ZFPM1: variants seen among roughly 807,000 people sequenced by gnomAD.
ZFPM1 encodes the protein zinc finger protein, FOG family member 1, also known as zinc finger protein ZFPM1.
A neutral mutation model predicts 46.3 loss-of-function variants in ZFPM1; 28 were observed. That is an observed-to-expected ratio of 0.60 (90% confidence interval 0.45 to 0.83). The LOEUF (loss-of-function observed/expected upper bound fraction) is 0.83. Among genes scored for constraint, ZFPM1 ranks in the 40% least tolerant of loss-of-function variants. The pLI, the probability that ZFPM1 is intolerant of heterozygous loss-of-function variation, is 0.00. For synonymous variants in ZFPM1, 957 were observed against 675.9 expected, an observed-to-expected ratio of 1.42 and a Z score of -6.45; for missense variants, 1,878 against 1,432.4, an observed-to-expected ratio of 1.31 and a Z score of -5.02.
chr16:88,488,088 A>AG (rs1165171094), intron 2 of ZFPM1, among the ~76,000 whole-genome samples: 1 of 152,112 alleles, frequency 6.6e-6, no homozygotes, highest in African/African-American at 2.4e-5. Context: ...CTGGGGGGAG[A>AG]GAGCACGTGT....
At chr16:88,494,657 G>A (rs375784843) in intron 3 of ZFPM1, among the ~76,000 whole-genome samples, 130 of 152,320 alleles carry the variant, frequency 8.5e-4, no homozygotes, top group African/African-American at 2.9e-3. Flanking sequence ...AGCCCTGCAC[G>A]GGCAGGAGGC....
chr16:88,457,515 C>T (rs1907610412), intron 1 of ZFPM1, among the ~76,000 whole-genome samples: 1 of 152,232 alleles, frequency 6.6e-6, no homozygotes, highest in Non-Finnish European at 1.5e-5. Flanking sequence ...GCCCAGTTGC[C>T]TCGTCCCCAG....
chr16:88,530,899 A>G (rs1432160939), intron 6 of ZFPM1: 3 of 152,300 alleles, frequency 2.0e-5, no homozygotes, highest in African/African-American at 7.2e-5. Flanking sequence ...AAGTCGTTAG[A>G]ACAGCGAGGT....
intron 1 of ZFPM1, 95 bp downstream of exon 1, chr16:88,453,773 G>A (rs1907402069): frequency 2.6e-6 from 2 of 764,774 alleles, no homozygotes; most frequent in Non-Finnish European, 1.6e-6. Flanking sequence ...GCTCTGCCCT[G>A]GGCGCCGGCG....
At position 88,533,792 on chromosome 16, in the gene ZFPM1, G is replaced by A. The variant is rs764706785; in HGVS notation, c.1834G>A (p.Ala612Thr). The A allele has an allele frequency of 1.7e-5, 22 of 1,285,520 alleles. No individual in the cohort carries two copies. The highest frequency in any genetic ancestry group is 1.9e-5 in the Non-Finnish European group (19 of 997,958). 79.6% of individuals were successfully genotyped at this position (1,285,520 alleles called of 1,614,324 possible). Residue 612 changes from alanine (A) to threonine (T), a missense_variant, in exon 10 of 10, where the codon GCG becomes ACG. Coordinates refer to ENST00000319555, the MANE Select transcript of ZFPM1 (RefSeq NM_153813.3). ...GRRAPEDAPAARRPKAPPGPA... is the reference protein window; with the variant it reads ...GRRAPEDAPATRRPKAPPGPA... ...CCGTGCGCCCGAGGACGCGCCTGCC[G>A]CGCGCAGGCCCAAGGCGCCCCCCGG...
At chr16:88,490,839 G>C (rs776764159) in intron 3 of ZFPM1, among the ~76,000 whole-genome samples, 29 of 152,178 alleles carry the variant, frequency 1.9e-4, no homozygotes, top group Non-Finnish European at 3.1e-4. Flanking sequence ...CCCAGGAAGG[G>C]GGACCGGGCA....
chr16:88,485,900 C>A (rs770871578), intron 1 of ZFPM1, 39 bp from the exon 2 acceptor site: 5 of 1,591,792 alleles, frequency 3.1e-6, no homozygotes, highest in South Asian at 1.1e-5. Context: ...GCTGTCCCCC[C>A]AGAGCTCCTC....
intron 4 of ZFPM1, among the ~76,000 whole-genome samples, chr16:88,525,316 C>A (rs891870149): frequency 6.6e-6 from 1 of 152,222 alleles, no homozygotes; most frequent in Non-Finnish European, 1.5e-5. Context: ...GTACCCCAGA[C>A]CCACAGGGGA....
rs1908302597 is a variant in ZFPM1 at position 88,469,196 on chromosome 16, C to G, written c.40+15518C>G. On this transcript the variant is annotated intron_variant, in intron 1 of 9. Coordinates refer to ENST00000319555, the MANE Select transcript of ZFPM1 (RefSeq NM_153813.3). This position sits in a 1 kb window ranked among gnomAD's most constrained non-coding sequence, Gnocchi z 4.3. The stretch of plus-strand genomic sequence containing the variant: ...GCTGCCCCCCACCGCTCCACCCTCT[C>G]CCCGCGCTGACTTCCATCCGGAACC... Among the ~76,000 whole-genome samples, 1 of 152,240 alleles carries G rather than the reference C, an allele frequency of 6.6e-6. No homozygotes were observed. Among genetic ancestry groups the G allele is most frequent in the Non-Finnish European group, 1.5e-5 (1 of 68,044 alleles).
At chr16:88,456,693 TG>T (rs1051125635) in intron 1 of ZFPM1, among the ~76,000 whole-genome samples, 1 of 152,024 alleles carries the variant, frequency 6.6e-6, no homozygotes, top group South Asian at 2.1e-4. Context: ...CGCCTGGGGC[TG>T]GGGGGCCAGC....
chr16:88,458,774 GA>G, intron 1 of ZFPM1, among the ~76,000 whole-genome samples: 1 of 152,192 alleles, frequency 6.6e-6, no homozygotes, highest in Non-Finnish European at 1.5e-5. Context: ...CACAGAGGGG[GA>G]AACTGAGGCT....
At chr16:88,526,757 C>G (rs7187787) in intron 4 of ZFPM1, 57 bp from the exon 5 acceptor site, 147,976 of 1,520,670 alleles carry the variant, frequency 0.097, 10,641 homozygotes, top group African/African-American at 0.34. Context: ...CTCACGGGAA[C>G]CCCCAGGCAG....
In ZFPM1 at chr16:88,458,706, C is replaced by T. The variant is rs1907667478; in HGVS notation, c.40+5028C>T. Among the ~76,000 whole-genome samples, 7 of 152,314 alleles carry T rather than the reference C, an allele frequency of 4.6e-5. No homozygotes were observed. In the South Asian group the frequency reaches 1.0e-3, roughly 23 times the overall value. ...GGGGCCCTGGTGGGGCTCCTGCCCA[C>T]CTGGCCACCATACCCGTGGGTATTC... On this transcript the variant is annotated intron_variant, in intron 1 of 9. Transcript: ENST00000319555.
At chr16:88,517,617 G>A (rs894304613) in intron 4 of ZFPM1, among the ~76,000 whole-genome samples, 2 of 150,672 alleles carry the variant, frequency 1.3e-5, no homozygotes. Flanking sequence ...ATGGACAGGT[G>A]GATGGATAGG....
At chr16:88,531,246 G>C (rs1472095085) in intron 6 of ZFPM1, among the ~76,000 whole-genome samples, 6 of 152,196 alleles carry the variant, frequency 3.9e-5, no homozygotes, top group Non-Finnish European at 8.8e-5. Context: ...GCAGGGCTCT[G>C]GGGCAGAGAA....
intron 4 of ZFPM1, 64 bp from the exon 5 acceptor site, chr16:88,526,749 CA>C (rs1448410033): frequency 3.4e-5 from 52 of 1,512,646 alleles, no homozygotes; most frequent in Non-Finnish European, 4.6e-5. Flanking sequence ...CCCACATACT[CA>C]CGGGAACCCC....
upstream of ZFPM1, among the ~76,000 whole-genome samples, chr16:88,451,831 T>A (rs1036739925): frequency 6.6e-6 from 1 of 151,884 alleles, no homozygotes; most frequent in East Asian, 1.9e-4. Flanking sequence ...GGCCTCCTGG[T>A]CTCAGTGTTC....
intron 3 of ZFPM1, among the ~76,000 whole-genome samples, chr16:88,499,899 G>A (rs1012509477): frequency 1.4e-4 from 22 of 152,318 alleles, no homozygotes; most frequent in African/African-American, 5.1e-4. Flanking sequence ...CATGCCAGCA[G>A]AGGGTGAGCG....
At position 88,532,644 on chromosome 16, in the gene ZFPM1, T is replaced by C; in HGVS notation, c.977T>C (p.Leu326Pro). The stretch of plus-strand genomic sequence containing the variant: ...CGGCCCTTCGTGTGCCTGATCTGCC[T>C]GTCGGCCTTCACCACCAAGGCCAAC... ...GERPFVCLIC[L>P]SAFTTKANCE... The change falls in exon 8 of 10, where the codon CTG becomes CCG. Residue 326 changes from leucine (L) to proline (P), a missense_variant. By Grantham distance (98) the Leu-to-Pro change is moderately conservative. Transcript: ENST00000319555. 1 of 1,588,222 alleles carries C rather than the reference T, an allele frequency of 6.3e-7. No individual in the cohort carries two copies. The highest frequency in any genetic ancestry group is 8.6e-7 in the Non-Finnish European group (1 of 1,167,242).
Sources: allele counts gnomAD v4.1 joint callset (sites outside exome capture counted in the v4.1 genomes callset), GRCh38; gene constraint gnomAD v4.1.1; non-coding constraint Gnocchi (gnomAD v3.1); transcripts MANE v1.5; gene names NCBI Gene and HGNC (gene_info 2026-07-23, HGNC 2026-07-21).